The following HACE1 variants were observed in gnomAD, a reference collection of about 807,000 sequenced individuals.
The protein encoded by HACE1 is HECT domain and ankyrin repeat containing E3 ubiquitin protein ligase 1.
A neutral mutation model predicts 118.4 loss-of-function variants in HACE1; 73 were observed. The observed-to-expected ratio is 0.62, with a 90% confidence interval of 0.51 to 0.75. HACE1 has a LOEUF of 0.75. Ranked by LOEUF, HACE1 falls within the 30% of genes least tolerant of loss-of-function variation. The pLI is 0.00. For synonymous variants in HACE1, 368 were observed against 374.8 expected, an observed-to-expected ratio of 0.98 and a Z score of 0.21; for missense variants, 749 against 1,102.2, an observed-to-expected ratio of 0.68 and a Z score of 4.54.
At chr6:104,829,636 T>C (rs1387378250) in intron 6 of HACE1, among the ~76,000 whole-genome samples, 1 of 152,146 alleles carries the variant, frequency 6.6e-6, no homozygotes, top group Non-Finnish European at 1.5e-5. Flanking sequence ...TCCCTTTACC[T>C]GTATATGATC....
At chr6:104,745,219 G>A (rs1256473847) in intron 20 of HACE1, among the ~76,000 whole-genome samples, 1 of 152,068 alleles carries the variant, frequency 6.6e-6, no homozygotes, top group Non-Finnish European at 1.5e-5. Flanking sequence ...GACTTGATAG[G>A]TTTATTTTAT....
intron 10 of HACE1, among the ~76,000 whole-genome samples, chr6:104,794,721 T>C (rs1365181584): frequency 6.6e-6 from 1 of 152,138 alleles, no homozygotes; most frequent in African/African-American, 2.4e-5. Flanking sequence ...CTGGGCAACA[T>C]GGCAAAACCC....
In HACE1 at chr6:104,754,516, C is replaced by T. The variant is rs1395091389; in HGVS notation, c.2212-4044G>A. On this transcript the variant is annotated intron_variant, in intron 19 of 23. Coordinates refer to ENST00000262903, the MANE Select transcript of HACE1 (RefSeq NM_020771.4). ...CCCCAAGGTCCAAATGAAAGAAAAG[C>T]TGTTAAGGGCAGCCAGAGATAAAGG... 2.0e-5 allele frequency among the ~76,000 whole-genome samples: 3 copies of T among 152,128 alleles called. No individual in the cohort carries two copies. The East Asian group carries it at 5.8e-4, about 29-fold the overall frequency.
At chr6:104,794,701 C>G (rs984454697) in intron 10 of HACE1, among the ~76,000 whole-genome samples, 4 of 152,164 alleles carry the variant, frequency 2.6e-5, no homozygotes, top group Non-Finnish European at 5.9e-5. Flanking sequence ...CTCAGGAGTT[C>G]AAGACCAGCC....
intron 22 of HACE1, among the ~76,000 whole-genome samples, chr6:104,741,339 G>T (rs1001678597): frequency 6.7e-6 from 1 of 148,386 alleles, no homozygotes; most frequent in Non-Finnish European, 1.5e-5. Flanking sequence ...GATATAAAGG[G>T]TATTCAATTA....
chr6:104,806,191 G>A (rs570899646), intron 7 of HACE1, among the ~76,000 whole-genome samples: 7 of 152,266 alleles, frequency 4.6e-5, no homozygotes, highest in South Asian at 2.1e-4. Context: ...GCCAGGTGTC[G>A]TGGCTCACAT....
intron 19 of HACE1, among the ~76,000 whole-genome samples, chr6:104,769,387 A>G (rs1258773333): frequency 6.6e-6 from 1 of 152,194 alleles, no homozygotes; most frequent in Non-Finnish European, 1.5e-5. Flanking sequence ...GTATTCACAG[A>G]TAAGAATCAT....
intron 11 of HACE1, 63 bp from the exon 12 acceptor site, chr6:104,785,382 A>C (rs1782265210): frequency 1.2e-6 from 1 of 822,066 alleles, no homozygotes; most frequent in Non-Finnish European, 2.0e-6. Flanking sequence ...AAAAAAAAAA[A>C]CAAAACACAA....
chr6:104,759,623 C>T (rs1358828249), intron 19 of HACE1, among the ~76,000 whole-genome samples: 1 of 152,050 alleles, frequency 6.6e-6, no homozygotes. Flanking sequence ...AACACCCTAA[C>T]ATCACAATTG....
rs543133498 is a variant in HACE1 at position 104,847,204 on chromosome 6, C to T, written c.326+1938G>A. ...TCACACTGAAGTCTTATGACTAAGT[C>T]GCCTACTGAAATGACAGCAGAGTGT... On this transcript the variant is annotated intron_variant, in intron 4 of 23. Coordinates refer to ENST00000262903, the MANE Select transcript of HACE1 (RefSeq NM_020771.4). Among the ~76,000 whole-genome samples, 4 of 152,310 alleles carry T rather than the reference C, an allele frequency of 2.6e-5. No homozygotes were observed. In the East Asian group the frequency reaches 7.7e-4, roughly 29 times the overall value.
At chr6:104,786,897 A>C (rs1247850020) in intron 11 of HACE1, 1 of 152,192 alleles carries the variant, frequency 6.6e-6, no homozygotes, top group Non-Finnish European at 1.5e-5. Flanking sequence ...CTTTCTTTTA[A>C]AGACCGCCAT....
chr6:104,846,165 T>C (rs1775652470), intron 4 of HACE1, among the ~76,000 whole-genome samples: 1 of 152,224 alleles, frequency 6.6e-6, no homozygotes, highest in South Asian at 2.1e-4. Flanking sequence ...TATCCTATCT[T>C]TCTATTGAAC....
At chr6:104,821,750 A>T (rs1772739582) in intron 6 of HACE1, among the ~76,000 whole-genome samples, 1 of 152,234 alleles carries the variant, frequency 6.6e-6, no homozygotes. Context: ...TTTATCAAAA[A>T]GTAGGCATTA....
chr6:104,807,446 T>C (rs1454543372), intron 7 of HACE1, among the ~76,000 whole-genome samples: 1 of 152,206 alleles, frequency 6.6e-6, no homozygotes, highest in African/African-American at 2.4e-5. Flanking sequence ...TAGAGACCTC[T>C]AAAACTCCAT....
At chr6:104,832,608 G>A (rs904276394) in intron 6 of HACE1, among the ~76,000 whole-genome samples, 1 of 151,946 alleles carries the variant, frequency 6.6e-6, no homozygotes, top group Non-Finnish European at 1.5e-5. Context: ...TGTTGCCCAG[G>A]CTGAACTCCT....
intron 4 of HACE1, among the ~76,000 whole-genome samples, chr6:104,848,748 T>C (rs1243245600): frequency 6.6e-6 from 1 of 152,042 alleles, no homozygotes; most frequent in Non-Finnish European, 1.5e-5. Flanking sequence ...GCCATGGAGT[T>C]AGGAGTGGCA....
chr6:104,847,363 A>G (rs1397740104), intron 4 of HACE1, among the ~76,000 whole-genome samples: 1 of 152,208 alleles, frequency 6.6e-6, no homozygotes, highest in East Asian at 1.9e-4. Flanking sequence ...ATGTACCTAG[A>G]CCTGAGATCA....
chr6:104,796,514 C>T (rs1177354777), intron 9 of HACE1, 141 bp downstream of exon 9: 2 of 685,230 alleles, frequency 2.9e-6, no homozygotes, highest in Non-Finnish European at 5.3e-6. Flanking sequence ...TCACACTTAT[C>T]CTATAATGCA....
At chr6:104,855,994 G>GT (rs1776681059) in intron 1 of HACE1, among the ~76,000 whole-genome samples, 1 of 152,130 alleles carries the variant, frequency 6.6e-6, no homozygotes, top group African/African-American at 2.4e-5. Flanking sequence ...ACATTAACAG[G>GT]TAAGTATGAA....
Sources: gnomAD v4.1 joint callset for allele counts (sites outside exome capture counted in the v4.1 genomes callset) on GRCh38, gnomAD v4.1.1 for gene constraint, MANE v1.5 for transcripts, NCBI Gene and HGNC (gene_info 2026-07-23, HGNC 2026-07-21) for gene names.